CSGALNACT1: variants seen among roughly 807,000 people sequenced by gnomAD.
CSGALNACT1 encodes the protein chondroitin sulfate N-acetylgalactosaminyltransferase 1.
In CSGALNACT1, 52 loss-of-function variants were observed where a neutral mutation model predicts 51.0. The observed-to-expected ratio is 1.02, with a 90% confidence interval of 0.82 to 1.29. The LOEUF (loss-of-function observed/expected upper bound fraction) is 1.29, where lower values mean the gene tolerates loss of function less well. Ranked by LOEUF, CSGALNACT1 falls within the 50% of genes most tolerant of loss-of-function variation. The pLI is 0.00. For missense variants in CSGALNACT1, 935 were observed against 679.2 expected, an observed-to-expected ratio of 1.38 and a Z score of -4.19; for synonymous variants, 341 against 254.4, an observed-to-expected ratio of 1.34 and a Z score of -3.24.
rs73214630 is a variant in CSGALNACT1, at chr8:19,570,256, T to C, written c.-297+20904A>G. On this transcript the variant is annotated intron_variant, in intron 3 of 9. Transcript: ENST00000454498. Reference sequence around the variant, plus strand: ...TAAGAAACAAAAAGTGTTGGCTGTTTCCCAAGGCTTAATATTCGTTTTAAT... The same window carrying C: ...TAAGAAACAAAAAGTGTTGGCTGTTCCCCAAGGCTTAATATTCGTTTTAAT... 8.3e-3 allele frequency among the ~76,000 whole-genome samples: 1,262 copies of C among 152,318 alleles called. 7 individuals carry two copies. Among genetic ancestry groups the C allele is most frequent in the Non-Finnish European group, 0.013 (897 of 68,030 alleles).
intron 1 of CSGALNACT1, among the ~76,000 whole-genome samples, chr8:19,620,246 C>T (rs545538226): frequency 7.1e-6 from 1 of 140,078 alleles, no homozygotes; most frequent in Non-Finnish European, 1.5e-5. Context: ...ACCCGAGAGG[C>T]AGAGGTTGCA....
At chr8:19,682,812 G>A (rs1331971632), upstream of CSGALNACT1, 2 of 450,372 alleles carry the variant, frequency 4.4e-6, no homozygotes, top group Non-Finnish European at 8.9e-6. Flanking sequence ...GGCCAGCACA[G>A]ATAACACTAT....
intron 4 of CSGALNACT1, among the ~76,000 whole-genome samples, chr8:19,462,959 A>G (rs1470187514): frequency 1.3e-5 from 2 of 152,084 alleles, no homozygotes; most frequent in Admixed American, 6.5e-5. Context: ...TGGTTTTCCA[A>G]TCCTCACCCT....
chr8:19,733,818 G>A (rs555454742), intron 1 of CSGALNACT1, among the ~76,000 whole-genome samples: 171 of 150,670 alleles, frequency 1.1e-3, no homozygotes, highest in African/African-American at 4.0e-3. Flanking sequence ...TTTTTTTTCC[G>A]TATTGTACAT....
At chr8:19,415,793 C>A (rs2056750145) in intron 8 of CSGALNACT1, among the ~76,000 whole-genome samples, 1 of 152,164 alleles carries the variant, frequency 6.6e-6, no homozygotes, top group African/African-American at 2.4e-5. Context: ...GAAAATAAAT[C>A]CTATATCCTG....
chr8:19,651,669 G>A (rs1412988644), intron 1 of CSGALNACT1, among the ~76,000 whole-genome samples: 3 of 152,064 alleles, frequency 2.0e-5, no homozygotes, highest in South Asian at 2.1e-4. Context: ...CACTGTTGAT[G>A]GGCATCTATG....
intron 4 of CSGALNACT1, among the ~76,000 whole-genome samples, chr8:19,479,131 T>C (rs563715711): frequency 2.6e-5 from 4 of 152,168 alleles, no homozygotes; most frequent in South Asian, 4.1e-4. Context: ...TTGAAAGAAA[T>C]AGGAGAAAAT....
intron 3 of CSGALNACT1, among the ~76,000 whole-genome samples, chr8:19,585,911 G>T (rs1046697780): frequency 2.6e-5 from 4 of 152,134 alleles, no homozygotes; most frequent in African/African-American, 9.7e-5. Context: ...AAATTAACCT[G>T]CAAGTCCAGA....
chr8:19,740,908 G>A (rs528507241), intron 1 of CSGALNACT1, among the ~76,000 whole-genome samples: 4 of 152,236 alleles, frequency 2.6e-5, no homozygotes, highest in African/African-American at 7.2e-5. Flanking sequence ...ACCCACATAT[G>A]TATTCACAAT....
At chr8:19,437,358 G>C (rs182282119) in intron 6 of CSGALNACT1, among the ~76,000 whole-genome samples, 2 of 152,152 alleles carry the variant, frequency 1.3e-5, no homozygotes, top group Non-Finnish European at 2.9e-5. Flanking sequence ...GAGTCGTAAA[G>C]ACAGGATTAG....
chr8:19,690,951 G>A (rs2061277790), intron 1 of CSGALNACT1, among the ~76,000 whole-genome samples: 1 of 152,158 alleles, frequency 6.6e-6, no homozygotes, highest in Admixed American at 6.5e-5. Flanking sequence ...ATGGCACTGG[G>A]CACTGTGGCT....
At chr8:19,730,194 G>T (rs2063613928) in intron 1 of CSGALNACT1, among the ~76,000 whole-genome samples, 1 of 152,192 alleles carries the variant, frequency 6.6e-6, no homozygotes, top group East Asian at 1.9e-4. Context: ...CACATTAAAA[G>T]CCATCACACT....
chr8:19,542,247 T>C (rs1022571218), intron 3 of CSGALNACT1, among the ~76,000 whole-genome samples: 2 of 134,384 alleles, frequency 1.5e-5, no homozygotes, highest in Admixed American at 7.3e-5. Flanking sequence ...AGGGTTATTA[T>C]TCACTGAAGC....
intron 1 of CSGALNACT1, among the ~76,000 whole-genome samples, chr8:19,722,081 A>G (rs1486437772): frequency 6.6e-6 from 1 of 152,224 alleles, no homozygotes; most frequent in East Asian, 1.9e-4. Flanking sequence ...GTTTAAATTC[A>G]ATAGAAACCT....
At chr8:19,426,060 C>G (rs2058733291) in intron 6 of CSGALNACT1, among the ~76,000 whole-genome samples, 1 of 152,224 alleles carries the variant, frequency 6.6e-6, no homozygotes, top group African/African-American at 2.4e-5. Context: ...GCTTCAAGGA[C>G]AGCAATTGCC....
chr8:19,667,000 AAAG>A (rs1564385838), intron 1 of CSGALNACT1, among the ~76,000 whole-genome samples: 14 of 21,036 alleles, frequency 6.7e-4, no homozygotes, highest in African/African-American at 2.4e-3. Context: ...AGAAAGAAAG[AAAG>A]AAAGAAAGAA....
At chr8:19,610,965 GC>G (rs2052175493) in intron 1 of CSGALNACT1, among the ~76,000 whole-genome samples, 2 of 152,240 alleles carry the variant, frequency 1.3e-5, no homozygotes, top group African/African-American at 4.8e-5. Context: ...TGGGGCGGGA[GC>G]CCCGCAGCCT....
intron 3 of CSGALNACT1, among the ~76,000 whole-genome samples, chr8:19,508,738 T>C (rs1193216330): frequency 1.3e-5 from 2 of 152,240 alleles, no homozygotes; most frequent in African/African-American, 4.8e-5. Context: ...TTTTGTTGTG[T>C]TGTGGAAACT....
intron 1 of CSGALNACT1, among the ~76,000 whole-genome samples, chr8:19,693,647 C>A (rs1219386853): frequency 1.3e-5 from 2 of 152,114 alleles, no homozygotes; most frequent in African/African-American, 2.4e-5. Flanking sequence ...TGTTCACATA[C>A]AGAGCTTTAG....
Sources: allele counts gnomAD v4.1 joint callset (sites outside exome capture counted in the v4.1 genomes callset), GRCh38; gene constraint gnomAD v4.1.1; transcripts MANE v1.5; gene names NCBI Gene and HGNC (gene_info 2026-07-23, HGNC 2026-07-21).